Variants in MVK observed in about 807,000 individuals in gnomAD.
The protein encoded by MVK is LH receptor mRNA-binding protein.
MVK carries 34 observed loss-of-function variants against 43.2 expected under a neutral mutation model. That is an observed-to-expected ratio of 0.79 (90% CI 0.60 to 1.05). The LOEUF (loss-of-function observed/expected upper bound fraction) is 1.05, where lower values mean the gene tolerates loss of function less well. Ranked by LOEUF, MVK falls within the 50% of genes least tolerant of loss-of-function variation. MVK has a pLI of 0.00. For missense variants in MVK, 395 were observed against 504.0 expected (o/e 0.78, Z 2.07); for synonymous variants, 190 against 219.8 (o/e 0.86, Z 1.20).
At chr12:109,580,516 G>T (rs1033157111) in intron 4 of MVK, among the ~76,000 whole-genome samples, 1 of 152,174 alleles carries the variant, frequency 6.6e-6, no homozygotes, top group Admixed American at 6.5e-5. Flanking sequence ...TCAGTGGCCA[G>T]GCTCTATGCT....
chr12:109,581,001 A>T (rs1410232198), intron 4 of MVK, among the ~76,000 whole-genome samples: 1 of 151,824 alleles, frequency 6.6e-6, no homozygotes, highest in African/African-American at 2.4e-5. Flanking sequence ...AGGCCTTGAG[A>T]GATGGGTAGG....
intron 3 of MVK, among the ~76,000 whole-genome samples, chr12:109,577,946 G>A (rs1885036059): frequency 6.6e-6 from 1 of 152,226 alleles, no homozygotes; most frequent in African/African-American, 2.4e-5. Context: ...TGCAACTTGT[G>A]TATGTCAGTA....
chr12:109,591,144 G>T, intron 8 of MVK, 97 bp from the exon 9 acceptor site: 1 of 1,218,898 alleles, frequency 8.2e-7, no homozygotes, highest in Non-Finnish European at 1.2e-6. Flanking sequence ...GGCACGGGCT[G>T]TGTGAACACC....
At chr12:109,593,238 G>A (rs1885758701) in intron 9 of MVK, among the ~76,000 whole-genome samples, 3 of 152,240 alleles carry the variant, frequency 2.0e-5, no homozygotes, top group Admixed American at 1.3e-4. Flanking sequence ...GGCACCCGGG[G>A]CTGCCACCAG....
In MVK at chr12:109,595,895, C is replaced by T. The variant is rs141827597; in HGVS notation, c.1040-531C>T. ...CCCTTAGGCTCCAGACATCCCCTCA[C>T]ACTCCATGATGGCTCCCAGGCCTCA... On this transcript the variant is annotated intron_variant, in intron 10 of 10. Coordinates refer to ENST00000228510, the MANE Select transcript of MVK (RefSeq NM_000431.4). This position sits in a 1 kb window ranked among gnomAD's most constrained non-coding sequence, Gnocchi z 5.9. Among the ~76,000 whole-genome samples the T allele has an allele frequency of 6.4e-4, 98 of 152,302 alleles. No individual in the cohort carries two copies. The highest frequency in any genetic ancestry group is 2.0e-3 in the African/African-American group (85 of 41,556).
At chr12:109,584,318 AAG>A (rs1027928229) in intron 5 of MVK, among the ~76,000 whole-genome samples, 67 of 152,320 alleles carry the variant, frequency 4.4e-4, no homozygotes, top group African/African-American at 1.4e-3. Context: ...CAGATGAAGA[AAG>A]AGACTCAGAG....
intron 8 of MVK, 70 bp downstream of exon 8, chr12:109,590,931 T>A (rs1885644788): frequency 6.6e-7 from 1 of 1,520,440 alleles, no homozygotes; most frequent in Non-Finnish European, 9.1e-7. Context: ...ATTTTCGAGG[T>A]CTCCCTCTGG....
chr12:109,578,101 G>A (rs753489263), intron 3 of MVK, among the ~76,000 whole-genome samples: 3 of 152,130 alleles, frequency 2.0e-5, no homozygotes, highest in Admixed American at 6.5e-5. Context: ...AGGATCCGAC[G>A]ACACTGGAGG....
Position 109,596,823 on chromosome 12 carries a change from G to T in MVK, c.*246G>T, listed in dbSNP as rs937030674. 3 of 586,756 alleles carry T rather than the reference G, an allele frequency of 5.1e-6. No individual in the cohort carries two copies. 36.3% of individuals were successfully genotyped at this position (586,756 alleles called of 1,614,324 possible). ...CCTAGGAGGGTCCTCTGAGACTCCA[G>T]ACCTGAGGCGAGAAGGGCTGCTTCC... On this transcript the variant is annotated 3_prime_UTR_variant, in exon 11 of 11. Coordinates refer to ENST00000228510, the MANE Select transcript of MVK (RefSeq NM_000431.4).
intron 2 of MVK, 107 bp downstream of exon 2, chr12:109,575,007 A>G (rs1015746810): frequency 1.8e-6 from 2 of 1,121,976 alleles, no homozygotes; most frequent in Non-Finnish European, 1.3e-6. Flanking sequence ...AGCAGATCAG[A>G]GAGATCAGGT....
Position 109,576,048 on chromosome 12 carries a change from C to A in MVK, c.129C>A (p.Pro43=), listed in dbSNP as rs1389316825. The change falls in exon 3 of 11, where the codon CCC becomes CCA. Residue 43 remains proline, a synonymous_variant. Transcript: ENST00000228510. The part of the protein sequence containing the change: ...LNLRTFLRLQ[P]HSNGKVDLSL... ...TGAGAACATTCCTCCGGCTTCAACC[C>A]CACAGCAATGGGAAAGTGGACCTCA... 3.7e-6 allele frequency: 6 copies of A among 1,614,206 alleles called. No homozygotes were observed. In the South Asian group the frequency reaches 5.5e-5, roughly 15 times the overall value.
intron 10 of MVK, among the ~76,000 whole-genome samples, chr12:109,596,018 G>A (rs554255076): frequency 3.9e-5 from 6 of 152,294 alleles, no homozygotes; most frequent in Admixed American, 1.3e-4. Flanking sequence ...GAGTGTGCCC[G>A]CTGTGCCAGG....
chr12:109,594,124 C>T (rs1336562867), intron 9 of MVK, among the ~76,000 whole-genome samples: 1 of 152,062 alleles, frequency 6.6e-6, no homozygotes, highest in East Asian at 1.9e-4. Context: ...GAGACTCGAA[C>T]ACAGGCCTAC....
At chr12:109,585,955 C>T (rs1368229221) in intron 5 of MVK, 67 bp from the exon 6 acceptor site, 1 of 1,331,932 alleles carries the variant, frequency 7.5e-7, no homozygotes, top group Non-Finnish European at 1.1e-6. Flanking sequence ...CCCAGCACAG[C>T]CCCAGGTGAC....
chr12:109,594,212 G>A (rs1443165164), intron 9 of MVK, among the ~76,000 whole-genome samples: 2 of 152,194 alleles, frequency 1.3e-5, no homozygotes, highest in African/African-American at 4.8e-5. Flanking sequence ...GCCCCAGCAC[G>A]TTGTGGGTGT....
chr12:109,576,621 A>G (rs1435974925), intron 3 of MVK, among the ~76,000 whole-genome samples: 2 of 152,214 alleles, frequency 1.3e-5, no homozygotes, highest in Non-Finnish European at 2.9e-5. Flanking sequence ...CTGTAATTCC[A>G]GCACTTTGGG....
intron 3 of MVK, among the ~76,000 whole-genome samples, chr12:109,577,239 CT>C (rs1884998607): frequency 6.6e-6 from 1 of 152,212 alleles, no homozygotes; most frequent in Non-Finnish European, 1.5e-5. Context: ...GTGGAGTCCC[CT>C]GTACCTGCCC....
chr12:109,592,130 G>A (rs1239395681), intron 9 of MVK, among the ~76,000 whole-genome samples: 2 of 152,224 alleles, frequency 1.3e-5, no homozygotes, highest in African/African-American at 2.4e-5. Context: ...GGTAGTCCCA[G>A]CTACTCGAGA....
At chr12:109,573,492 C>T (rs1046046972), upstream of MVK, 4 of 1,595,256 alleles carry the variant, frequency 2.5e-6, no homozygotes, top group Admixed American at 1.7e-5. Flanking sequence ...AGCCAGGCTG[C>T]TTGACGGGAC....
Sources: allele counts gnomAD v4.1 joint callset (sites outside exome capture counted in the v4.1 genomes callset), GRCh38; gene constraint gnomAD v4.1.1; non-coding constraint Gnocchi (gnomAD v3.1); transcripts MANE v1.5; gene names NCBI Gene and HGNC (gene_info 2026-07-23, HGNC 2026-07-21).